Variants in ARID1B observed in about 807,000 individuals in gnomAD.
The protein encoded by ARID1B is AT-rich interaction domain 1B.
ARID1B carries 30 observed loss-of-function variants against 212.3 expected under a neutral mutation model. The observed-to-expected ratio is 0.14, with a 90% CI of 0.11 to 0.19. The LOEUF (loss-of-function observed/expected upper bound fraction) is 0.19. Among genes scored for constraint, ARID1B ranks in the 10% least tolerant of loss-of-function variants. The probability of loss-of-function intolerance (pLI) is 1.00; values close to 1 mark genes in which losing one functional copy is unlikely to be tolerated. For synonymous variants in ARID1B, 1,402 were observed against 1,301.7 expected, an observed-to-expected ratio of 1.08 and a Z score of -1.66; for missense variants, 2,891 against 3,204.0, an observed-to-expected ratio of 0.90 and a Z score of 2.36.
chr6:157,077,594 G>A (rs529429480), intron 4 of ARID1B, among the ~76,000 whole-genome samples: 2 of 152,216 alleles, frequency 1.3e-5, no homozygotes, highest in Non-Finnish European at 2.9e-5. Flanking sequence ...CCCACCAGCT[G>A]TCCTAGAGTA....
intron 4 of ARID1B, among the ~76,000 whole-genome samples, chr6:157,053,643 C>G (rs1057360395): frequency 3.9e-5 from 6 of 152,004 alleles, no homozygotes; most frequent in African/African-American, 1.5e-4. Flanking sequence ...CTTTAAGGAC[C>G]TTAGTTTGAG....
chr6:157,204,274 A>C (rs1211826735), intron 19 of ARID1B: 1 of 258,774 alleles, frequency 3.9e-6, no homozygotes, highest in Non-Finnish European at 7.4e-6. Context: ...TAGTAACATT[A>C]AATTGTTCAG....
At chr6:157,134,179 T>A in intron 7 of ARID1B, among the ~76,000 whole-genome samples, 1 of 152,308 alleles carries the variant, frequency 6.6e-6, no homozygotes, top group Admixed American at 6.5e-5. Flanking sequence ...AGCGCCTTAG[T>A]ATTTCCTAGA....
chr6:156,983,223 C>T (rs1354463272), intron 4 of ARID1B, among the ~76,000 whole-genome samples: 2 of 151,704 alleles, frequency 1.3e-5, no homozygotes, highest in African/African-American at 2.4e-5. Context: ...GGTGACACCC[C>T]ATCTCTACTA....
At chr6:157,048,087 GCCCTCCTCCTT>G in intron 4 of ARID1B, among the ~76,000 whole-genome samples, 1 of 152,278 alleles carries the variant, frequency 6.6e-6, no homozygotes, top group East Asian at 1.9e-4. Context: ...GATGGTGAAA[GCCCTCCTCCTT>G]CCCTCCTCCT....
intron 1 of ARID1B, chr6:156,779,691 C>G (rs1285666967): frequency 1.3e-5 from 3 of 224,406 alleles, no homozygotes; most frequent in Non-Finnish European, 2.3e-5. Flanking sequence ...CCGGGCCGGG[C>G]CGGGCCGGGT....
intron 3 of ARID1B, among the ~76,000 whole-genome samples, chr6:156,919,706 T>C (rs1384458699): frequency 6.6e-6 from 1 of 152,198 alleles, no homozygotes; most frequent in African/African-American, 2.4e-5. Context: ...TTAGCGGACA[T>C]CTGTAGCTCC....
intron 4 of ARID1B, among the ~76,000 whole-genome samples, chr6:157,016,612 G>T (rs1274277697): frequency 6.6e-6 from 1 of 152,310 alleles, no homozygotes. Context: ...ATGTCGGCAT[G>T]GTCTCATTGT....
At chr6:157,098,923 C>T (rs549632382) in intron 5 of ARID1B, among the ~76,000 whole-genome samples, 31 of 152,274 alleles carry the variant, frequency 2.0e-4, no homozygotes, top group South Asian at 2.1e-4. Context: ...CATTTTAATG[C>T]GGAGAATCCT....
intron 4 of ARID1B, among the ~76,000 whole-genome samples, chr6:156,967,769 G>A (rs766999705): frequency 6.6e-6 from 1 of 151,968 alleles, no homozygotes; most frequent in Non-Finnish European, 1.5e-5. Context: ...TTTTTATAAC[G>A]TAGACTTATA....
chr6:157,209,037 A>C lies in ARID1B; in HGVS notation c.*1146A>C, dbSNP rs1794652892. ...TTACCAGTACAGTCAAAAAAGAGAA[A>C]ATGAAAAAAATACAACTAAAAGGAA... On this transcript the variant is annotated 3_prime_UTR_variant, in exon 20 of 20. Transcript: ENST00000636930. The C allele has an allele frequency of 8.7e-6, 2 of 230,590 alleles. No homozygotes were observed. Among genetic ancestry groups the C allele is most frequent in the Non-Finnish European group, 1.7e-5 (2 of 116,414 alleles). The allele number at this position is 230,590 out of a possible 1,614,324, so 14.3% of individuals were successfully genotyped here. A position where few individuals can be genotyped will look rare whatever the true frequency, so the allele number is the denominator to read the frequency against.
chr6:157,067,588 A>C (rs1414819451), intron 4 of ARID1B, among the ~76,000 whole-genome samples: 1 of 152,148 alleles, frequency 6.6e-6, no homozygotes, highest in Non-Finnish European at 1.5e-5. Flanking sequence ...TATATCATTT[A>C]GCTTAGCAGT....
chr6:157,114,523 CAAAAAAAAAAAAA>C (rs111845551), intron 6 of ARID1B, among the ~76,000 whole-genome samples: 46 of 50,412 alleles, frequency 9.1e-4, no homozygotes, highest in East Asian at 3.4e-3. Context: ...CACTCCGTCT[CAAAAAAAAAAAAA>C]AAAAAAAAAA....
chr6:156,906,338 A>G (rs479079), intron 3 of ARID1B, among the ~76,000 whole-genome samples: 115,755 of 151,414 alleles, frequency 0.76, 44,784 homozygotes, highest in African/African-American at 0.89. Flanking sequence ...ACCTGAGGTC[A>G]GGAGTTCGAG....
At chr6:156,833,064 A>T (rs113902078) in intron 2 of ARID1B, among the ~76,000 whole-genome samples, 1 of 152,114 alleles carries the variant, frequency 6.6e-6, no homozygotes, top group Non-Finnish European at 1.5e-5. Flanking sequence ...TGAATTTTCT[A>T]TGCCTCTGTG....
intron 2 of ARID1B, chr6:156,871,749 A>G: frequency 2.2e-6 from 3 of 1,393,828 alleles, no homozygotes; most frequent in Non-Finnish European, 2.0e-6. Context: ...CCCCTCCTGC[A>G]GGAACAGGGG....
intron 3 of ARID1B, among the ~76,000 whole-genome samples, chr6:156,931,190 C>CAAAAAAAAAAAAAAAAAAAAAAAA (rs11309121): frequency 1.1e-5 from 1 of 90,186 alleles, no homozygotes. Flanking sequence ...GACTCAGTCT[C>CAAAAAAAAAAAAAAAAAAAAAAAA]AAAAAAAAAA....
chr6:156,936,656 T>A (rs1201112514), intron 4 of ARID1B: 1 of 94,984 alleles, frequency 1.1e-5, no homozygotes, highest in South Asian at 3.3e-4. Context: ...CGAGACTCCA[T>A]CTCAAAAAAA....
rs1583124168 is a variant in ARID1B at position 156,832,216 on chromosome 6, T to TTCA, written c.1986+2795_1986+2796insTCA. On this transcript the variant is annotated intron_variant, in intron 2 of 19. Transcript: ENST00000636930. ...TTTGTTAGCTTGAGTCTGTGTTCTT[T>TTCA]GGGGAGGAATTTTCAGTGAATTGCT... Among the ~76,000 whole-genome samples, 8 of 152,330 alleles carry TTCA rather than the reference T, an allele frequency of 5.3e-5. No individual in the cohort carries two copies. The East Asian group carries it at 1.3e-3, about 26-fold the overall frequency.
Sources: gnomAD v4.1 joint callset for allele counts (sites outside exome capture counted in the v4.1 genomes callset) on GRCh38, gnomAD v4.1.1 for gene constraint, MANE v1.5 for transcripts, NCBI Gene and HGNC (gene_info 2026-07-23, HGNC 2026-07-21) for gene names.